The following CNTNAP2 variants were observed in gnomAD, a reference collection of about 807,000 sequenced individuals.
CNTNAP2 encodes contactin-associated protein-like 2.
CNTNAP2 carries 98 observed loss-of-function variants against 155.2 expected under a neutral mutation model. The ratio of observed to expected loss-of-function variants is 0.63; its 90% CI spans 0.54 to 0.75. CNTNAP2 has a LOEUF of 0.75. CNTNAP2 is among the 30% of genes least tolerant of loss of function. The pLI, the probability that CNTNAP2 is intolerant of heterozygous loss-of-function variation, is 0.00. For missense variants in CNTNAP2, 1,727 were observed against 1,688.1 expected, an observed-to-expected ratio of 1.02 and a Z score of -0.40; for synonymous variants, 651 against 631.2, an observed-to-expected ratio of 1.03 and a Z score of -0.47.
intron 9 of CNTNAP2, among the ~76,000 whole-genome samples, chr7:147,330,083 G>A (rs1020161291): frequency 6.6e-6 from 1 of 152,070 alleles, no homozygotes; most frequent in Non-Finnish European, 1.5e-5. Context: ...CCCCTAGAAA[G>A]CCTCAAAATG....
intron 9 of CNTNAP2, among the ~76,000 whole-genome samples, chr7:147,301,355 T>A (rs1177845456): frequency 1.3e-5 from 2 of 152,224 alleles, no homozygotes; most frequent in African/African-American, 4.8e-5. Flanking sequence ...ACATATTTTA[T>A]TAAAGTGCTG....
intron 13 of CNTNAP2, among the ~76,000 whole-genome samples, chr7:147,853,555 G>A (rs958237677): frequency 6.6e-6 from 1 of 152,234 alleles, no homozygotes; most frequent in Non-Finnish European, 1.5e-5. Flanking sequence ...TTAGAAGCTC[G>A]ATTATATATG....
intron 1 of CNTNAP2, among the ~76,000 whole-genome samples, chr7:146,666,776 C>T (rs1314269101): frequency 6.6e-6 from 1 of 151,952 alleles, no homozygotes. Flanking sequence ...TCATTTGTTG[C>T]ATATACATGT....
intron 11 of CNTNAP2, among the ~76,000 whole-genome samples, chr7:147,547,987 T>C (rs889714649): frequency 6.6e-6 from 1 of 152,212 alleles, no homozygotes; most frequent in African/African-American, 2.4e-5. Flanking sequence ...AGTGCCACAT[T>C]TTCTTTATCC....
At chr7:147,901,169 C>T (rs2538966) in intron 13 of CNTNAP2, among the ~76,000 whole-genome samples, 46,046 of 151,976 alleles carry the variant, frequency 0.3, 7,121 homozygotes, top group Middle Eastern at 0.42. Flanking sequence ...TTTCTCTTCT[C>T]CTCCATTTCT....
At chr7:146,122,414 G>C (rs1234169692) in intron 1 of CNTNAP2, among the ~76,000 whole-genome samples, 2 of 152,186 alleles carry the variant, frequency 1.3e-5, no homozygotes, top group Non-Finnish European at 2.9e-5. Context: ...TATAAAGAAT[G>C]TTATTTCCTC....
At chr7:148,262,777 G>A (rs1796587272) in intron 20 of CNTNAP2, among the ~76,000 whole-genome samples, 1 of 152,082 alleles carries the variant, frequency 6.6e-6, no homozygotes, top group South Asian at 2.1e-4. Context: ...GTTATCTTTG[G>A]GAGGCATGAT....
chr7:147,044,448 A>G (rs1240332149), intron 4 of CNTNAP2, among the ~76,000 whole-genome samples: 1 of 152,128 alleles, frequency 6.6e-6, no homozygotes, highest in Non-Finnish European at 1.5e-5. Context: ...GGTTTTGAAA[A>G]CATTTCGAAG....
At chr7:148,124,727 G>T (rs989314574) in intron 16 of CNTNAP2, among the ~76,000 whole-genome samples, 4 of 152,164 alleles carry the variant, frequency 2.6e-5, no homozygotes, top group African/African-American at 9.7e-5. Flanking sequence ...TTACAGCTAA[G>T]GAAATGAGAG....
intron 3 of CNTNAP2, among the ~76,000 whole-genome samples, chr7:147,043,409 A>C (rs1799296762): frequency 6.6e-6 from 1 of 152,204 alleles, no homozygotes; most frequent in African/African-American, 2.4e-5. Flanking sequence ...AATTCTCTAA[A>C]TGTGTCTACT....
At chr7:146,502,582 A>G (rs142665070) in intron 1 of CNTNAP2, among the ~76,000 whole-genome samples, 1 of 152,088 alleles carries the variant, frequency 6.6e-6, no homozygotes, top group Non-Finnish European at 1.5e-5. Flanking sequence ...TAGTCATTTT[A>G]AGTGGAGTGA....
At chr7:147,377,700 T>C (rs1796461206) in intron 9 of CNTNAP2, among the ~76,000 whole-genome samples, 1 of 151,960 alleles carries the variant, frequency 6.6e-6, no homozygotes, top group South Asian at 2.1e-4. Flanking sequence ...CAAGTCTATG[T>C]TGAAAGTTTA....
At chr7:147,994,953 G>T (rs1039579515) in intron 15 of CNTNAP2, among the ~76,000 whole-genome samples, 1 of 152,156 alleles carries the variant, frequency 6.6e-6, no homozygotes, top group African/African-American at 2.4e-5. Flanking sequence ...ACAGCAAAAG[G>T]ATACAAAGCA....
chr7:147,119,823 ATTGT>A (rs1262226595), intron 5 of CNTNAP2, among the ~76,000 whole-genome samples: 3 of 152,100 alleles, frequency 2.0e-5, no homozygotes, highest in Non-Finnish European at 4.4e-5. Flanking sequence ...GTGACAGTCA[ATTGT>A]TTATCTCTTA....
chr7:146,893,021 G>A (rs1198719830), intron 3 of CNTNAP2, among the ~76,000 whole-genome samples: 1 of 152,066 alleles, frequency 6.6e-6, no homozygotes, highest in Non-Finnish European at 1.5e-5. Context: ...GTAATTGGTA[G>A]GAAAAAATAT....
At chr7:147,430,471 T>A (rs1387535279) in intron 10 of CNTNAP2, among the ~76,000 whole-genome samples, 2 of 152,160 alleles carry the variant, frequency 1.3e-5, no homozygotes, top group Non-Finnish European at 2.9e-5. Flanking sequence ...GAGGTACATG[T>A]GCATATATCT....
chr7:148,125,152 G>C (rs367949697), intron 16 of CNTNAP2, among the ~76,000 whole-genome samples: 11 of 152,022 alleles, frequency 7.2e-5, no homozygotes, highest in Non-Finnish European at 1.3e-4. Flanking sequence ...TAAAATGAAC[G>C]TAAGAAGAAG....
chr7:147,703,744 T>C (rs1051910513), intron 13 of CNTNAP2, among the ~76,000 whole-genome samples: 6 of 152,204 alleles, frequency 3.9e-5, no homozygotes, highest in Admixed American at 6.5e-5. Flanking sequence ...TGTTTTGAAA[T>C]ATACATTTTT....
intron 3 of CNTNAP2, among the ~76,000 whole-genome samples, chr7:146,921,639 C>G (rs190330626): frequency 6.6e-6 from 1 of 152,020 alleles, no homozygotes; most frequent in African/African-American, 2.4e-5. Flanking sequence ...ATCACTACTA[C>G]GAGAACAGTA....
Sources: gnomAD v4.1 joint callset for allele counts (sites outside exome capture counted in the v4.1 genomes callset) on GRCh38, gnomAD v4.1.1 for gene constraint, MANE v1.5 for transcripts, NCBI Gene and HGNC (gene_info 2026-07-23, HGNC 2026-07-21) for gene names.